Variants in GALNTL6 observed in about 807,000 individuals in gnomAD.
GALNTL6 encodes the protein polypeptide N-acetylgalactosaminyltransferase like 6, also known as polypeptide N-acetylgalactosaminyltransferase-like 6.
A neutral mutation model predicts 73.7 loss-of-function variants in GALNTL6; 46 were observed. The observed-to-expected ratio is 0.62, with a 90% CI of 0.49 to 0.80. The LOEUF (loss-of-function observed/expected upper bound fraction) is 0.80, where lower values mean the gene tolerates loss of function less well. Among genes scored for constraint, GALNTL6 ranks in the 30% least tolerant of loss-of-function variants. GALNTL6 has a pLI of 0.00. For missense variants in GALNTL6, 604 were observed against 755.0 expected, an observed-to-expected ratio of 0.80 and a Z score of 2.34; for synonymous variants, 259 against 263.7, an observed-to-expected ratio of 0.98 and a Z score of 0.17.
intron 8 of GALNTL6, among the ~76,000 whole-genome samples, chr4:172,890,444 A>C (rs745910065): frequency 1.5e-4 from 23 of 151,528 alleles, no homozygotes; most frequent in Non-Finnish European, 2.4e-4. Context: ...TTCTGTTTCC[A>C]TTTACTCCAA....
intron 2 of GALNTL6, among the ~76,000 whole-genome samples, chr4:172,039,822 A>G (rs1404788086): frequency 6.6e-6 from 1 of 152,166 alleles, no homozygotes; most frequent in Non-Finnish European, 1.5e-5. Flanking sequence ...AACTCATTAT[A>G]TTAAAATGAC....
chr4:172,414,347 A>C (rs900901981), intron 5 of GALNTL6, among the ~76,000 whole-genome samples: 6 of 152,152 alleles, frequency 3.9e-5, no homozygotes, highest in Non-Finnish European at 7.4e-5. Context: ...CAAATTCCAC[A>C]TATTTCCAAC....
chr4:172,427,277 TGTGGAACAAA>T (rs1561078125), intron 5 of GALNTL6, among the ~76,000 whole-genome samples: 1 of 152,142 alleles, frequency 6.6e-6, no homozygotes, highest in Non-Finnish European at 1.5e-5. Flanking sequence ...AGAAGGTGAA[TGTGGAACAAA>T]GTCACATCTT....
intron 10 of GALNTL6, among the ~76,000 whole-genome samples, chr4:172,954,863 A>G (rs541075217): frequency 1.0e-3 from 154 of 152,308 alleles, no homozygotes; most frequent in African/African-American, 3.4e-3. Context: ...GGTTTAGGAA[A>G]GAAGAAAATG....
At chr4:172,339,237 C>G (rs536906057) in intron 4 of GALNTL6, among the ~76,000 whole-genome samples, 1 of 135,528 alleles carries the variant, frequency 7.4e-6, no homozygotes, top group Non-Finnish European at 1.6e-5. Flanking sequence ...GCTGGGGCAC[C>G]CAGCAAACAC....
At chr4:172,112,545 C>T (rs1318135908) in intron 2 of GALNTL6, among the ~76,000 whole-genome samples, 1 of 152,000 alleles carries the variant, frequency 6.6e-6, no homozygotes, top group Non-Finnish European at 1.5e-5. Flanking sequence ...GCTCCACATT[C>T]TTGTCAGCAT....
chr4:172,408,079 C>T (rs1466488697), intron 5 of GALNTL6, among the ~76,000 whole-genome samples: 1 of 152,030 alleles, frequency 6.6e-6, no homozygotes, highest in South Asian at 2.1e-4. Flanking sequence ...CTTTTTGCCA[C>T]AACCTTTGGG....
intron 5 of GALNTL6, among the ~76,000 whole-genome samples, chr4:172,577,335 A>G (rs1370608152): frequency 6.6e-6 from 1 of 152,182 alleles, no homozygotes; most frequent in Non-Finnish European, 1.5e-5. Context: ...AATCCAAATT[A>G]TATGAAATTA....
At chr4:171,855,444 G>A (rs1315556382) in intron 2 of GALNTL6, among the ~76,000 whole-genome samples, 1 of 152,156 alleles carries the variant, frequency 6.6e-6, no homozygotes, top group Non-Finnish European at 1.5e-5. Context: ...GTCTTTTGTG[G>A]CTTGATAACT....
At chr4:172,692,081 G>T (rs10024969) in intron 5 of GALNTL6, among the ~76,000 whole-genome samples, 123,075 of 151,884 alleles carry the variant, frequency 0.81, 50,507 homozygotes, top group Middle Eastern at 0.93. Flanking sequence ...CAATTACTTG[G>T]ATTACTCAGA....
intron 5 of GALNTL6, among the ~76,000 whole-genome samples, chr4:172,589,595 A>G (rs1737555797): frequency 6.6e-6 from 1 of 152,228 alleles, no homozygotes; most frequent in African/African-American, 2.4e-5. Context: ...GAAAGGAACA[A>G]TGGTGGATCT....
intron 2 of GALNTL6, among the ~76,000 whole-genome samples, chr4:172,017,686 T>G (rs1741248856): frequency 6.6e-6 from 1 of 152,056 alleles, no homozygotes; most frequent in Admixed American, 6.6e-5. Flanking sequence ...TCCAGATTCT[T>G]TTGTCCCACG....
At chr4:172,242,018 T>G (rs1470721196) in intron 3 of GALNTL6, among the ~76,000 whole-genome samples, 1 of 152,176 alleles carries the variant, frequency 6.6e-6, no homozygotes, top group Non-Finnish European at 1.5e-5. Flanking sequence ...ATGTACATTT[T>G]GATATTGATT....
chr4:171,903,307 A>G (rs1023873678), intron 2 of GALNTL6, among the ~76,000 whole-genome samples: 3 of 152,118 alleles, frequency 2.0e-5, no homozygotes, highest in Non-Finnish European at 4.4e-5. Context: ...GAGCTGAAGC[A>G]GGGCGAGGCA....
At chr4:172,770,080 GGGGTGAAACCCA>G (rs1261617531) in intron 5 of GALNTL6, among the ~76,000 whole-genome samples, 120 of 152,040 alleles carry the variant, frequency 7.9e-4, no homozygotes, top group African/African-American at 2.3e-3. Flanking sequence ...CCTGACCAAC[GGGGTGAAACCCA>G]GTATCTACTA....
chr4:171,986,956 T>C (rs1740114730), intron 2 of GALNTL6, among the ~76,000 whole-genome samples: 1 of 152,136 alleles, frequency 6.6e-6, no homozygotes, highest in South Asian at 2.1e-4. Context: ...ACCGGCAGTG[T>C]AAACAAGAGC....
intron 5 of GALNTL6, among the ~76,000 whole-genome samples, chr4:172,413,863 T>G (rs1744530768): frequency 6.6e-6 from 1 of 152,134 alleles, no homozygotes; most frequent in African/African-American, 2.4e-5. Flanking sequence ...CTTTATTTCC[T>G]GATCTTTCCC....
At chr4:172,053,220 T>C (rs1164010522) in intron 2 of GALNTL6, among the ~76,000 whole-genome samples, 1 of 152,210 alleles carries the variant, frequency 6.6e-6, no homozygotes, top group East Asian at 1.9e-4. Flanking sequence ...TTGTAATTTC[T>C]GAATCATATT....
At chr4:172,908,624 G>C (rs957451070) in intron 8 of GALNTL6, among the ~76,000 whole-genome samples, 2 of 151,346 alleles carry the variant, frequency 1.3e-5, no homozygotes, top group South Asian at 4.2e-4. Context: ...GTGTGTGTGT[G>C]TGTGTGTGTG....
Sources: allele counts gnomAD v4.1 joint callset (sites outside exome capture counted in the v4.1 genomes callset), GRCh38; gene constraint gnomAD v4.1.1; transcripts MANE v1.5; gene names NCBI Gene and HGNC (gene_info 2026-07-23, HGNC 2026-07-21).